MCAT: variants seen among roughly 807,000 people sequenced by gnomAD.
MCAT encodes malonyl-CoA-acyl carrier protein transacylase, mitochondrial.
In MCAT, 22 loss-of-function variants were observed where a neutral mutation model predicts 22.9. The observed-to-expected ratio is 0.96, with a 90% CI of 0.69 to 1.37. The LOEUF (loss-of-function observed/expected upper bound fraction) is 1.37. Ranked by LOEUF, MCAT falls within the 40% of genes most tolerant of loss-of-function variation. The pLI is 0.00. For synonymous variants in MCAT, 240 were observed against 233.9 expected, an observed-to-expected ratio of 1.03 and a Z score of -0.24; for missense variants, 534 against 533.6, an observed-to-expected ratio of 1.00 and a Z score of -0.01.
rs183500227 is a variant in MCAT at position 43,139,522 on chromosome 22, C to T, written c.511+1640G>A. ...GCTGGGGTGACAGAGCAAGATACTGCCTCAAAAAAGAAAAAGAAAAAGAAA... is the reference window on the plus strand; with the variant it reads ...GCTGGGGTGACAGAGCAAGATACTGTCTCAAAAAAGAAAAAGAAAAAGAAA... On this transcript the variant is annotated intron_variant, in intron 2 of 3. Transcript: ENST00000290429. Among the ~76,000 whole-genome samples the T allele has an allele frequency of 2.0e-5, 3 of 151,538 alleles. No homozygotes were observed. In the East Asian group the frequency reaches 5.8e-4, roughly 29 times the overall value.
chr22:43,133,524 A>G (rs1219909179), intron 3 of MCAT, 38 bp from the exon 4 acceptor site: 1 of 1,522,340 alleles, frequency 6.6e-7, no homozygotes, highest in South Asian at 1.2e-5. Flanking sequence ...GCAATGTCCC[A>G]GAAATCCGCC....
intron 1 of MCAT, 64 bp downstream of exon 1, chr22:43,142,862 G>A (rs1930814393): frequency 1.1e-5 from 16 of 1,399,920 alleles, no homozygotes; most frequent in African/African-American, 9.0e-5. Flanking sequence ...GGAAGCCTCT[G>A]GCAGGGCCAA....
rs73886407 is a variant in MCAT, at chr22:43,137,099, C to G, written c.711G>C (p.Val237=). 3.9e-3 allele frequency: 6,360 copies of G among 1,614,148 alleles called. 232 individuals are homozygous for G. The African/African-American group carries it at 0.076, about 19-fold the overall frequency. The change falls in exon 3 of 4, where the codon GTG becomes GTC. Residue 237 remains valine (V), a synonymous_variant. Coordinates refer to ENST00000290429, the MANE Select transcript of MCAT (RefSeq NM_173467.5). ...CACCCACCTCTTGGTGTCCTGAAATCACCCTGCAATCTGGAAAGAGGTAGT... is the reference window on the plus strand; with the variant it reads ...CACCCACCTCTTGGTGTCCTGAAATGACCCTGCAATCTGGAAAGAGGTAGT... The part of the protein sequence containing the change: ...VSNYLFPDCR[V]ISGHQEALRF...
rs768300548 is a variant in MCAT at position 43,142,960 on chromosome 22, G to C, written c.389C>G (p.Ala130Gly). The C allele has an allele frequency of 1.9e-6, 3 of 1,593,356 alleles. No individual in the cohort carries two copies. In the East Asian group the frequency reaches 6.9e-5, roughly 37 times the overall value. Reference sequence around the variant, plus strand: ...CAGGTGATGTAGTTTCTCGACAGCGGCCAGCGATGCCACGAAGATCGCGGG... The same window carrying C: ...CAGGTGATGTAGTTTCTCGACAGCGCCCAGCGATGCCACGAAGATCGCGGG... ...CQPAIFVASL[A>G]AVEKLHHLQP... is the part of the protein sequence containing the mutation. Residue 130 changes from alanine to glycine, a missense_variant, in exon 1 of 4, where the codon GCC becomes GGC. Coordinates refer to ENST00000290429, the MANE Select transcript of MCAT (RefSeq NM_173467.5).
chr22:43,139,780 G>A (rs966588338), intron 2 of MCAT, among the ~76,000 whole-genome samples: 3 of 151,954 alleles, frequency 2.0e-5, no homozygotes, highest in Admixed American at 6.6e-5. Context: ...GTTTTACCAC[G>A]TTGGTCAGGC....
intron 1 of MCAT, 152 bp downstream of exon 1, chr22:43,142,774 C>CAAAA (rs151166687): frequency 5.4e-3 from 3,650 of 676,718 alleles, no homozygotes; most frequent in Non-Finnish European, 6.4e-3. Flanking sequence ...GACTCCGTCT[C>CAAAA]AAAAAAAAAA....
chr22:43,141,160 A>G lies in MCAT; in HGVS notation c.511+2T>C, dbSNP rs1930756094. ...TGCATAAAACCAAACTCCTTCCTGT[A>G]CCTTCAGCAAATTCCATGGCTCCGG... is the stretch of plus-strand genomic sequence containing the variant. On this transcript the variant is annotated splice_donor_variant, in intron 2 of 3. Transcript: ENST00000290429. LOFTEE classifies it high-confidence loss of function. The G allele has an allele frequency of 6.2e-7, 1 of 1,613,926 alleles. No individual in the cohort carries two copies. Among genetic ancestry groups the G allele is most frequent in the African/African-American group, 1.3e-5 (1 of 75,002 alleles).
At position 43,133,353 on chromosome 22, in the gene MCAT, A is replaced by G. The variant is rs745581708; in HGVS notation, c.863T>C (p.Val288Ala). Reference sequence around the variant, plus strand: ...AGAAACCAGAGGCTTCTTAATGTCGACTGCCTTTAAAGCTTGCGTCAGGGG... The same window carrying G: ...AGAAACCAGAGGCTTCTTAATGTCGGCTGCCTTTAAAGCTTGCGTCAGGGG... Reference protein sequence around the residue: ...VEPLTQALKAVDIKKPLVSVY... With the variant: ...VEPLTQALKAADIKKPLVSVY... The change falls in exon 4 of 4, where the codon GTC (valine) becomes GCC (alanine). Residue 288 changes from valine to alanine, a missense_variant. Physicochemically the swap from Val to Ala is moderately conservative, Grantham distance 64. Coordinates refer to ENST00000290429, the MANE Select transcript of MCAT (RefSeq NM_173467.5). 3 of 1,614,158 alleles carry G rather than the reference A, an allele frequency of 1.9e-6. No homozygotes were observed. The highest frequency in any genetic ancestry group is 1.7e-6 in the Non-Finnish European group (2 of 1,180,026).
intron 2 of MCAT, among the ~76,000 whole-genome samples, chr22:43,138,834 CT>C (rs1444732261): frequency 6.6e-6 from 1 of 152,188 alleles, no homozygotes; most frequent in African/African-American, 2.4e-5. Flanking sequence ...GATGACCAGA[CT>C]GAGAAGAGAT....
Position 43,142,984 on chromosome 22 carries a change from G to A in MCAT, c.365C>T (p.Pro122Leu), listed in dbSNP as rs767079271. 3.7e-6 allele frequency: 6 copies of A among 1,600,662 alleles called. No homozygotes were observed. The highest frequency in any genetic ancestry group is 3.4e-5 in the Admixed American group (2 of 58,776). Residue 122 changes from proline to leucine, a missense_variant, in exon 1 of 4, where the codon CCC becomes CTC. Coordinates refer to ENST00000290429, the MANE Select transcript of MCAT (RefSeq NM_173467.5). ...ETLDRTVHCQ[P>L]AIFVASLAAV... ...GGCCAGCGATGCCACGAAGATCGCGGGCTGACAGTGCACGGTGCGGTCCAG... is the reference window on the plus strand; with the variant it reads ...GGCCAGCGATGCCACGAAGATCGCGAGCTGACAGTGCACGGTGCGGTCCAG...
At chr22:43,134,506 C>G (rs945176545) in intron 3 of MCAT, among the ~76,000 whole-genome samples, 5 of 152,296 alleles carry the variant, frequency 3.3e-5, no homozygotes, top group Admixed American at 1.3e-4. Flanking sequence ...TACCACCACG[C>G]CTGGCTAAGT....
chr22:43,142,784 A>AAC (rs1270492211), intron 1 of MCAT, 142 bp downstream of exon 1: 3 of 932,000 alleles, frequency 3.2e-6, no homozygotes, highest in Middle Eastern at 3.4e-4. Flanking sequence ...CAAAAAAAAA[A>AAC]ACAAAAACAA....
chr22:43,142,691 CAGG>C (rs1432739878), intron 1 of MCAT, among the ~76,000 whole-genome samples: 4 of 151,298 alleles, frequency 2.6e-5, no homozygotes, highest in African/African-American at 9.7e-5. Flanking sequence ...GAGGCTGAGG[CAGG>C]AGAATGGCGT....
chr22:43,137,502 C>G (rs989946721), intron 2 of MCAT, among the ~76,000 whole-genome samples: 1 of 152,222 alleles, frequency 6.6e-6, no homozygotes, highest in Non-Finnish European at 1.5e-5. Flanking sequence ...GTGCTTGGCA[C>G]TATACAAACT....
chr22:43,134,825 C>A (rs1237466186), intron 3 of MCAT, among the ~76,000 whole-genome samples: 2 of 152,248 alleles, frequency 1.3e-5, no homozygotes, highest in Non-Finnish European at 2.9e-5. Flanking sequence ...ACCGCAGGAA[C>A]CAGGAGCCTC....
Position 43,133,300 on chromosome 22 carries a change from A to G in MCAT, c.916T>C (p.Tyr306His), listed in dbSNP as rs1362938861. The change falls in exon 4 of 4, where the codon TAC becomes CAC. Residue 306 changes from tyrosine to histidine, a missense_variant. By Grantham distance (83) the Tyr-to-His change is moderately conservative. Coordinates refer to ENST00000290429, the MANE Select transcript of MCAT (RefSeq NM_173467.5). ...SVYSNVHAHR[Y>H]RHPGHIHKLL... is the part of the protein sequence containing the mutation. ...TTGTGGATGTGCCCGGGATGCCTGT[A>G]TCTATGCGCGTGGACGTTGGAGTAG... 5 of 1,614,050 alleles carry G rather than the reference A, an allele frequency of 3.1e-6. No individual in the cohort carries two copies. The African/African-American group carries it at 6.7e-5, about 22-fold the overall frequency.
intron 3 of MCAT, 31 bp downstream of exon 3, chr22:43,137,050 G>T: frequency 6.3e-7 from 1 of 1,581,824 alleles, no homozygotes; most frequent in Non-Finnish European, 8.7e-7. Context: ...TACTGGACTG[G>T]CCTATGAAGG....
rs905160876 is a variant in MCAT at position 43,132,792 on chromosome 22, T to G, written c.*251A>C. 7 of 510,084 alleles carry G rather than the reference T, an allele frequency of 1.4e-5. No individual in the cohort carries two copies. The highest frequency in any genetic ancestry group is 1.3e-4 in the African/African-American group (7 of 52,308). The allele number at this position is 510,084 out of a possible 1,614,324, so 31.6% of individuals were successfully genotyped here. ...CAGAGGCGGGGCCAGGATTCTAGCT[T>G]CCCCACACACCAGCCCTGTGGCATC... On this transcript the variant is annotated 3_prime_UTR_variant, in exon 4 of 4. Coordinates refer to ENST00000290429, the MANE Select transcript of MCAT (RefSeq NM_173467.5).
chr22:43,132,946 AGAG>A lies in MCAT; in HGVS notation c.*94_*96del, dbSNP rs1239321310. ...TGCAAACAAATCCCTTTCACTCCTC[AGAG>A]GAGGAGCCATTAGGAAGGTAGGGGG... On this transcript the variant is annotated 3_prime_UTR_variant, in exon 4 of 4. Transcript: ENST00000290429. The A allele has an allele frequency of 5.3e-6, 6 of 1,140,952 alleles. No homozygotes were observed. The highest frequency in any genetic ancestry group is 4.6e-5 in the Admixed American group (2 of 43,946). The allele number at this position is 1,140,952 out of a possible 1,614,324, so 70.7% of individuals were successfully genotyped here.
Sources: gnomAD v4.1 joint callset for allele counts (sites outside exome capture counted in the v4.1 genomes callset) on GRCh38, gnomAD v4.1.1 for gene constraint, MANE v1.5 for transcripts, NCBI Gene and HGNC (gene_info 2026-07-23, HGNC 2026-07-21) for gene names.